Variants in PCDHGA5 observed in about 807,000 individuals in gnomAD.
PCDHGA5 encodes the protein protocadherin gamma-A5.
Under a neutral mutation model 56.7 loss-of-function variants are expected in PCDHGA5, and 36 were observed. The observed-to-expected ratio is 0.64, with a 90% CI of 0.49 to 0.84. The LOEUF (loss-of-function observed/expected upper bound fraction) is 0.84. Ranked by LOEUF, PCDHGA5 falls within the 40% of genes least tolerant of loss-of-function variation. PCDHGA5 has a pLI of 0.00. For synonymous variants in PCDHGA5, 563 were observed against 520.2 expected (o/e 1.08, Z -1.12); for missense variants, 1,305 against 1,201.5 (o/e 1.09, Z -1.27).
chr5:141,377,482 G>C (rs1774042121), intron 1 of PCDHGA5: 1 of 152,036 alleles, frequency 6.6e-6, no homozygotes, highest in African/African-American at 2.4e-5. Flanking sequence ...TGTAGTCCCA[G>C]CTACTCGAGA....
At chr5:141,382,541 T>G (rs1388934219) in intron 1 of PCDHGA5, among the ~76,000 whole-genome samples, 2 of 152,224 alleles carry the variant, frequency 1.3e-5, no homozygotes, top group African/African-American at 4.8e-5. Context: ...GATTTTTAAT[T>G]ATCAGGGATA....
intron 1 of PCDHGA5, chr5:141,478,463 G>A: frequency 6.2e-7 from 1 of 1,613,424 alleles, no homozygotes; most frequent in South Asian, 1.1e-5. Context: ...CAGTCCACTG[G>A]CCAGCCGCCA....
intron 2 of PCDHGA5, among the ~76,000 whole-genome samples, chr5:141,503,611 A>AG (rs992110793): frequency 6.6e-6 from 1 of 151,948 alleles, no homozygotes; most frequent in Non-Finnish European, 1.5e-5. Flanking sequence ...AAAAAAAAAA[A>AG]AAAGAAAAAA....
chr5:141,412,343 A>T (rs928223487), intron 1 of PCDHGA5: 2 of 152,166 alleles, frequency 1.3e-5, no homozygotes, highest in African/African-American at 4.8e-5. Context: ...ATATATGTTC[A>T]TTTTAGTTTG....
At position 141,487,235 on chromosome 5, in the gene PCDHGA5, C is replaced by A. The variant is rs752316565; in HGVS notation, c.2422-7572C>A. ...TTCAGCTCCAAGGGAAGGAGAATCT[C>A]GTCTAACCCTCTACTTGGCTGTGTC... On this transcript the variant is annotated intron_variant, in intron 1 of 3. Coordinates refer to ENST00000518069, the MANE Select transcript of PCDHGA5 (RefSeq NM_018918.3). This position sits in a 1 kb window ranked among gnomAD's most constrained non-coding sequence, Gnocchi z 5.0. 11 of 1,614,126 alleles carry A rather than the reference C, an allele frequency of 6.8e-6. No homozygotes were observed. The highest frequency in any genetic ancestry group is 7.6e-6 in the Non-Finnish European group (9 of 1,179,994).
In PCDHGA5 at chr5:141,375,715, C is replaced by T. The variant is rs773544417; in HGVS notation, c.2421+8964C>T. 3.7e-6 allele frequency: 6 copies of T among 1,614,284 alleles called. 1 individual carries two copies. Among genetic ancestry groups the T allele is most frequent in the Non-Finnish European group, 5.1e-6 (6 of 1,180,050 alleles). Reference sequence around the variant, plus strand: ...ACAGCGGGGACCCGCCTCTTAGCAGCAACGTGTCACTGAGCCTGTTTGTGC... The same window carrying T: ...ACAGCGGGGACCCGCCTCTTAGCAGTAACGTGTCACTGAGCCTGTTTGTGC... On this transcript the variant is annotated intron_variant, in intron 1 of 3. Coordinates refer to ENST00000518069, the MANE Select transcript of PCDHGA5 (RefSeq NM_018918.3).
chr5:141,451,976 A>T (rs2098729884), intron 1 of PCDHGA5, among the ~76,000 whole-genome samples: 1 of 152,164 alleles, frequency 6.6e-6, no homozygotes, highest in Non-Finnish European at 1.5e-5. Flanking sequence ...TTTTTGCTGT[A>T]GTTTGTTCAT....
At position 141,490,979 on chromosome 5, in the gene PCDHGA5, C is replaced by T. The variant is rs1217345302; in HGVS notation, c.2422-3828C>T. 6.2e-7 allele frequency: 1 copy of T among 1,614,086 alleles called. No individual in the cohort carries two copies. The highest frequency in any genetic ancestry group is 8.5e-7 in the Non-Finnish European group (1 of 1,180,014). ...GAACACTCAGCCCCCCAGCGTCTCC[C>T]TCGCTCTGCTCCTCCTGGCTCCTTG... On this transcript the variant is annotated intron_variant, in intron 1 of 3. Transcript: ENST00000518069. This position sits in a 1 kb window ranked among gnomAD's most constrained non-coding sequence, Gnocchi z 5.4.
chr5:141,462,657 T>G (rs949098251), intron 1 of PCDHGA5, among the ~76,000 whole-genome samples: 1 of 152,164 alleles, frequency 6.6e-6, no homozygotes, highest in East Asian at 1.9e-4. Flanking sequence ...TCCTCAATTA[T>G]CTTCATATTT....
chr5:141,491,528 C>T lies in PCDHGA5; in HGVS notation c.2422-3279C>T, dbSNP rs745806026. ...GGCACGCTCAAGTACATGGAGGTGACGCTGCGGCCCACAGACTCGCAGAGC... is the reference window on the plus strand; with the variant it reads ...GGCACGCTCAAGTACATGGAGGTGATGCTGCGGCCCACAGACTCGCAGAGC... On this transcript the variant is annotated intron_variant, in intron 1 of 3. Coordinates refer to ENST00000518069, the MANE Select transcript of PCDHGA5 (RefSeq NM_018918.3). The surrounding 1 kb of genome is among the most constrained non-coding windows in gnomAD (Gnocchi z 6.9). 4 of 1,613,950 alleles carry T rather than the reference C, an allele frequency of 2.5e-6. No individual in the cohort carries two copies. Among genetic ancestry groups the T allele is most frequent in the South Asian group, 1.1e-5 (1 of 91,092 alleles).
At chr5:141,382,896 G>C (rs754850386) in intron 1 of PCDHGA5, 13 of 1,537,678 alleles carry the variant, frequency 8.5e-6, no homozygotes, top group Non-Finnish European at 1.1e-5. Context: ...GAAGCAGGAC[G>C]ACTATGGCGG....
In PCDHGA5 at chr5:141,383,648, C is replaced by T. The variant is rs781494472; in HGVS notation, c.2421+16897C>T. 2.5e-6 allele frequency: 4 copies of T among 1,614,034 alleles called. No individual in the cohort carries two copies. The Admixed American group carries it at 6.7e-5, about 27-fold the overall frequency. On this transcript the variant is annotated intron_variant, in intron 1 of 3. Transcript: ENST00000518069. Reference sequence around the variant, plus strand: ...TTCTCTCTGCCTCAGTACCAAGTAACTGTCCCCGAGAATGTGCCAGTGGGT... The same window carrying T: ...TTCTCTCTGCCTCAGTACCAAGTAATTGTCCCCGAGAATGTGCCAGTGGGT...
At chr5:141,484,872 G>T in intron 1 of PCDHGA5, 1 of 319,608 alleles carries the variant, frequency 3.1e-6, no homozygotes, top group Non-Finnish European at 5.8e-6. Context: ...GGAGCGTGGA[G>T]GATAGGGTGG....
rs570982273 is a variant in PCDHGA5, at chr5:141,476,764, G to T, written c.2422-18043G>T. On this transcript the variant is annotated intron_variant, in intron 1 of 3. Coordinates refer to ENST00000518069, the MANE Select transcript of PCDHGA5 (RefSeq NM_018918.3). This position sits in a 1 kb window ranked among gnomAD's most constrained non-coding sequence, Gnocchi z 7.6. ...CTAGTCTCCAGTTAGTGCTGACGGC[G>T]TTGGACGGAGGGACCCCAGCTCTCT... 1.2e-5 allele frequency: 19 copies of T among 1,613,794 alleles called. No individual in the cohort carries two copies. In the East Asian group the frequency reaches 3.8e-4, roughly 32 times the overall value.
At chr5:141,433,926 A>T (rs2154556019) in intron 1 of PCDHGA5, among the ~76,000 whole-genome samples, 1 of 151,830 alleles carries the variant, frequency 6.6e-6, no homozygotes, top group African/African-American at 2.4e-5. Context: ...CCAAATGAAG[A>T]TTTTATAATT....
At chr5:141,470,862 G>T (rs1363111218) in intron 1 of PCDHGA5, among the ~76,000 whole-genome samples, 1 of 151,596 alleles carries the variant, frequency 6.6e-6, no homozygotes, top group Non-Finnish European at 1.5e-5. Context: ...TAAGTTTTTT[G>T]TTTGTTTGTT....
intron 1 of PCDHGA5, chr5:141,376,100 G>C (rs772318189): frequency 8.7e-6 from 14 of 1,613,632 alleles, no homozygotes; most frequent in Non-Finnish European, 1.2e-5. Context: ...CGACATCCTG[G>C]CCGACCTGGG....
chr5:141,460,172 G>T (rs545017378), intron 1 of PCDHGA5, among the ~76,000 whole-genome samples: 1 of 151,852 alleles, frequency 6.6e-6, no homozygotes, highest in South Asian at 2.1e-4. Flanking sequence ...ATATTTTGTG[G>T]ATATTTTATC....
chr5:141,510,814 C>CA, intron 3 of PCDHGA5, 133 bp from the exon 4 acceptor site: 1 of 1,544,688 alleles, frequency 6.5e-7, no homozygotes, highest in Admixed American at 1.8e-5. Flanking sequence ...TTGGTGACCC[C>CA]TATATTCCCA....
Sources: gnomAD v4.1 joint callset for allele counts (sites outside exome capture counted in the v4.1 genomes callset) on GRCh38, gnomAD v4.1.1 for gene constraint, Gnocchi (gnomAD v3.1) non-coding constraint, MANE v1.5 for transcripts, NCBI Gene and HGNC (gene_info 2026-07-23, HGNC 2026-07-21) for gene names.